SAMD4B: variants seen among roughly 807,000 people sequenced by gnomAD.
The protein encoded by SAMD4B is sterile alpha motif domain containing 4B.
SAMD4B carries 5 observed loss-of-function variants against 74.5 expected under a neutral mutation model. That is an observed-to-expected ratio of 0.07 (90% CI 0.04 to 0.14). The LOEUF is 0.14. SAMD4B is among the 10% of genes least tolerant of loss of function. The pLI is 1.00. For synonymous variants in SAMD4B, 373 were observed against 374.9 expected (o/e 1.00, Z 0.06); for missense variants, 608 against 921.8 (o/e 0.66, Z 4.41).
chr19:39,386,664 T>C (rs768511131), downstream of SAMD4B: 16 of 1,593,348 alleles, frequency 1.0e-5, no homozygotes, highest in Non-Finnish European at 1.4e-5. This position sits in a 1 kb window ranked among gnomAD's most constrained non-coding sequence, Gnocchi z 6.1. Context: ...CTCCCTGCCA[T>C]GGGTGCCCTG....
intron 1 of SAMD4B, among the ~76,000 whole-genome samples, chr19:39,344,836 C>G (rs918357801): frequency 2.6e-5 from 4 of 152,126 alleles, no homozygotes; most frequent in Non-Finnish European, 5.9e-5. Context: ...AGGTGCCATG[C>G]TCATAGACCC....
Position 39,385,687 on chromosome 19 carries a change from AC to A in SAMD4B, c.*2161del. The A allele has an allele frequency of 1.9e-6, 1 of 533,550 alleles. No homozygotes were observed. Among genetic ancestry groups the A allele is most frequent in the East Asian group, 3.0e-5 (1 of 33,556 alleles). 33.1% of individuals were successfully genotyped at this position (533,550 alleles called of 1,614,324 possible). ...CTTATTTTGGAAAAAAAAAAAACAAACAAAAAAAACGAATTCTGACCTTCGT... is the reference window on the plus strand; with the variant it reads ...CTTATTTTGGAAAAAAAAAAAACAAAAAAAAAAACGAATTCTGACCTTCGT... On this transcript the variant is annotated 3_prime_UTR_variant, in exon 14 of 14. Transcript: ENST00000610417.
intron 1 of SAMD4B, among the ~76,000 whole-genome samples, chr19:39,348,807 G>A (rs540961905): frequency 1.3e-5 from 2 of 152,194 alleles, no homozygotes; most frequent in Non-Finnish European, 2.9e-5. Context: ...TGTGGTGGTG[G>A]TGGTGGTAGT....
At chr19:39,381,461 G>A (rs1162361383) in intron 12 of SAMD4B, among the ~76,000 whole-genome samples, 2 of 152,172 alleles carry the variant, frequency 1.3e-5, no homozygotes, top group Non-Finnish European at 2.9e-5. Flanking sequence ...AGAAGGGGTT[G>A]AGGGGATGGG....
chr19:39,390,368 C>T, downstream of SAMD4B: 1 of 1,356,646 alleles, frequency 7.4e-7, no homozygotes, highest in Non-Finnish European at 1.0e-6. Flanking sequence ...CCCAACCTTT[C>T]AAAAGGTAGG....
rs568327551 is a variant in SAMD4B, at chr19:39,367,879, G to T, written c.197-1776G>T. On this transcript the variant is annotated intron_variant, in intron 3 of 13. Transcript: ENST00000610417. ...ACCCAAGCCTTCTTTGATGTGGCCAGCCTGGGGCCATATTCTTAGGGACCT... is the reference window on the plus strand; with the variant it reads ...ACCCAAGCCTTCTTTGATGTGGCCATCCTGGGGCCATATTCTTAGGGACCT... 3.3e-4 allele frequency among the ~76,000 whole-genome samples: 50 copies of T among 151,862 alleles called. No individual in the cohort carries two copies. In the South Asian group the frequency reaches 0.01, roughly 31 times the overall value.
chr19:39,354,112 A>G (rs2076209548), intron 2 of SAMD4B, 46 bp downstream of exon 2: 3 of 152,184 alleles, frequency 2.0e-5, no homozygotes, highest in South Asian at 2.1e-4. Flanking sequence ...TCCTTATCCT[A>G]CATTCTAGAG....
chr19:39,369,752 G>A lies in SAMD4B; in HGVS notation c.294G>A (p.Lys98=). 2 of 1,614,240 alleles carry A rather than the reference G, an allele frequency of 1.2e-6. No homozygotes were observed. Among genetic ancestry groups the A allele is most frequent in the South Asian group, 1.1e-5 (1 of 91,088 alleles). Residue 98 remains lysine (K), a synonymous_variant, in exon 4 of 14, where the codon AAG becomes AAA. Coordinates refer to ENST00000610417, the MANE Select transcript of SAMD4B (RefSeq NM_001384574.2). ...PLLQPGNTEA[K]SEYMRLLQKV... ...TTCAGCCAGGCAACACAGAGGCCAAGTCGGAGTACATGAGGCTACTGCAGA... is the reference window on the plus strand; with the variant it reads ...TTCAGCCAGGCAACACAGAGGCCAAATCGGAGTACATGAGGCTACTGCAGA...
At position 39,377,646 on chromosome 19, in the gene SAMD4B, T is replaced by G; in HGVS notation, c.1266T>G (p.Gly422=). The change falls in exon 8 of 14, where the codon GGT becomes GGG. Residue 422 remains glycine, a synonymous_variant. Transcript: ENST00000610417. ...DGAPGEPPLP[G]AEPPLAHPGT... ...CCCCGGGGGAACCACCGCTGCCAGG[T>G]GCTGAGCCTCCCCTAGCCCACCCCG... 1 of 1,614,098 alleles carries G rather than the reference T, an allele frequency of 6.2e-7. No homozygotes were observed. Among genetic ancestry groups the G allele is most frequent in the South Asian group, 1.1e-5 (1 of 91,060 alleles).
chr19:39,352,645 C>G (rs34677348), intron 1 of SAMD4B, among the ~76,000 whole-genome samples: 6,789 of 152,002 alleles, frequency 0.045, 167 homozygotes, highest in African/African-American at 0.05. Flanking sequence ...TGTTCAAAGC[C>G]TGGCCTTGTA....
At position 39,369,860 on chromosome 19, in the gene SAMD4B, C is replaced by A; in HGVS notation, c.402C>A (p.Ala134=). ...QLLSYALIHP[A]TTLEDRNALA... is the part of the protein sequence containing the mutation. ...TTTCCTATGCCCTCATCCACCCAGC[C>A]ACCACACTGGAGGACCGCAACGCAC... Residue 134 remains alanine, a synonymous_variant, in exon 4 of 14, where the codon GCC becomes GCA. Transcript: ENST00000610417. 1.9e-6 allele frequency: 3 copies of A among 1,614,260 alleles called. No individual in the cohort carries two copies. Among genetic ancestry groups the A allele is most frequent in the Non-Finnish European group, 2.5e-6 (3 of 1,180,052 alleles).
At chr19:39,345,786 G>C (rs960052488) in intron 1 of SAMD4B, among the ~76,000 whole-genome samples, 10 of 152,160 alleles carry the variant, frequency 6.6e-5, no homozygotes, top group Non-Finnish European at 1.5e-5. Flanking sequence ...TTCTGCATTT[G>C]GCCAGAAATC....
chr19:39,386,432 C>T (rs2078250743), downstream of SAMD4B: 2 of 1,613,964 alleles, frequency 1.2e-6, no homozygotes, highest in African/African-American at 1.3e-5. This position sits in a 1 kb window ranked among gnomAD's most constrained non-coding sequence, Gnocchi z 6.1. Flanking sequence ...AGATGAAACC[C>T]ACTTTTCCAC....
At position 39,370,097 on chromosome 19, in the gene SAMD4B, C is replaced by A; in HGVS notation, c.639C>A (p.Ile213=). The A allele has an allele frequency of 6.2e-7, 1 of 1,601,590 alleles. No homozygotes were observed. Among genetic ancestry groups the A allele is most frequent in the East Asian group, 2.3e-5 (1 of 44,060 alleles). The change falls in exon 4 of 14, where the codon ATC becomes ATA. Residue 213 remains isoleucine (I), a synonymous_variant. Transcript: ENST00000610417. ...CATCCAGCTCAGTGCCGCCAGCCATCAACAGTATTGGGAGCAATGCAAACA... is the reference window on the plus strand; with the variant it reads ...CATCCAGCTCAGTGCCGCCAGCCATAAACAGTATTGGGAGCAATGCAAACA... The part of the protein sequence containing the change: ...FHPSSSVPPA[I]NSIGSNANTG...
rs1324484570 is a variant in SAMD4B at position 39,378,528 on chromosome 19, G to A, written c.1469G>A (p.Arg490Gln). The A allele has an allele frequency of 5.0e-6, 8 of 1,613,786 alleles. No homozygotes were observed. Among genetic ancestry groups the A allele is most frequent in the Non-Finnish European group, 5.9e-6 (7 of 1,179,954 alleles). ...GKVCTQLLVS[R>Q]PDEENITSYL... ...GTGTGCACCCAACTGCTGGTGTCCC[G>A]ACCAGACGAGGAGAACATCACCAGT... The change falls in exon 9 of 14, where the codon CGA becomes CAA. Residue 490 changes from arginine (R) to glutamine (Q), a missense_variant. This residue lies in a region of SAMD4B where 27 missense variants were observed against 48.6 expected (regional missense o/e 0.56). Transcript: ENST00000610417. This position sits in a 1 kb window ranked among gnomAD's most constrained non-coding sequence, Gnocchi z 4.4.
Position 39,377,832 on chromosome 19 carries a change from C to A in SAMD4B, c.1444+8C>A. On this transcript the variant is annotated splice_region_variant and intron_variant, in intron 8 of 13. Transcript: ENST00000610417. Reference sequence around the variant, plus strand: ...CACGGGTGATGGGCAAAGGTGAGACCAGCCACAGCCTAGCAGGAAATCCTG... The same window carrying A: ...CACGGGTGATGGGCAAAGGTGAGACAAGCCACAGCCTAGCAGGAAATCCTG... 6.4e-7 allele frequency: 1 copy of A among 1,568,136 alleles called. No individual in the cohort carries two copies. Among genetic ancestry groups the A allele is most frequent in the Non-Finnish European group, 8.7e-7 (1 of 1,153,866 alleles).
rs752658496 is a variant in SAMD4B at position 39,377,541 on chromosome 19, C to T, written c.1161C>T (p.Ile387=). Reference sequence around the variant, plus strand: ...CTCTGCAGGAGCTGCAGCAGATCATCATCACTCCCATCAAGGCCTACAGTG... The same window carrying T: ...CTCTGCAGGAGCTGCAGCAGATCATTATCACTCCCATCAAGGCCTACAGTG... ...RNALQELQQI[I]ITPIKAYSVL... is the part of the protein sequence containing the mutation. The change falls in exon 8 of 14, where the codon ATC becomes ATT. Residue 387 remains isoleucine (I), a synonymous_variant. Transcript: ENST00000610417. The T allele has an allele frequency of 6.2e-7, 1 of 1,603,772 alleles. No homozygotes were observed. The highest frequency in any genetic ancestry group is 8.5e-7 in the Non-Finnish European group (1 of 1,172,760).
chr19:39,390,716 G>T, the SAMD4B span: 1 of 1,238,868 alleles, frequency 8.1e-7, no homozygotes, highest in Non-Finnish European at 1.2e-6. Flanking sequence ...AAAGGTGAGC[G>T]CTTCATGACG....
chr19:39,370,080 T>C lies in SAMD4B; in HGVS notation c.622T>C (p.Ser208Pro). 1 of 1,608,534 alleles carries C rather than the reference T, an allele frequency of 6.2e-7. No homozygotes were observed. Among genetic ancestry groups the C allele is most frequent in the Non-Finnish European group, 8.5e-7 (1 of 1,177,548 alleles). ...NGHVPFHPSS[S>P]VPPAINSIGS... ...ACACGTGCCCTTCCACCCATCCAGC[T>C]CAGTGCCGCCAGCCATCAACAGTAT... Residue 208 changes from serine to proline, a missense_variant, in exon 4 of 14, where the codon TCA becomes CCA. Around this residue, in one of 9 missense-constraint regions of SAMD4B, gnomAD observed 153 missense variants for 153.0 expected, o/e 1.00. Coordinates refer to ENST00000610417, the MANE Select transcript of SAMD4B (RefSeq NM_001384574.2).
Sources: allele counts gnomAD v4.1 joint callset (sites outside exome capture counted in the v4.1 genomes callset), GRCh38; gene constraint gnomAD v4.1.1; regional missense constraint gnomAD v4.1.1; non-coding constraint Gnocchi (gnomAD v3.1); transcripts MANE v1.5; gene names NCBI Gene and HGNC (gene_info 2026-07-23, HGNC 2026-07-21).